PDE10A: variants seen among roughly 807,000 people sequenced by gnomAD.
The protein encoded by PDE10A is phosphodiesterase 10A, also known as cAMP and cAMP-inhibited cGMP 3',5'-cyclic phosphodiesterase 10A.
In PDE10A, 39 loss-of-function variants were observed where a neutral mutation model predicts 97.7. That is an observed-to-expected ratio of 0.40 (90% CI 0.31 to 0.52). PDE10A has a LOEUF of 0.52. Ranked by LOEUF, PDE10A falls within the 20% of genes least tolerant of loss-of-function variation. The pLI, the probability that PDE10A is intolerant of heterozygous loss-of-function variation, is 0.56. For synonymous variants in PDE10A, 371 were observed against 376.8 expected, an observed-to-expected ratio of 0.98 and a Z score of 0.18; for missense variants, 731 against 1,047.8, an observed-to-expected ratio of 0.70 and a Z score of 4.17.
intron 20 of PDE10A, 60 bp from the exon 21 acceptor site, chr6:165,336,271 T>C: frequency 9.0e-7 from 1 of 1,106,908 alleles, no homozygotes. Context: ...ATTCCAGTGA[T>C]ATTTATATTT....
chr6:165,890,321 G>T (rs904866948), intron 1 of PDE10A, among the ~76,000 whole-genome samples: 33 of 152,100 alleles, frequency 2.2e-4, no homozygotes, highest in African/African-American at 8.0e-4. Context: ...CAGGAAGGTG[G>T]CCTGACCCTG....
intron 1 of PDE10A, among the ~76,000 whole-genome samples, chr6:165,686,130 G>GACACACACACACAC (rs57547290): frequency 4.0e-4 from 58 of 145,412 alleles, no homozygotes; most frequent in African/African-American, 1.3e-3. Flanking sequence ...AATGTGCATG[G>GACACACACACACAC]ACACACACAC....
chr6:165,918,141 G>A (rs547157808), intron 1 of PDE10A, among the ~76,000 whole-genome samples: 1 of 152,282 alleles, frequency 6.6e-6, no homozygotes, highest in East Asian at 1.9e-4. Context: ...CTCATGTGTA[G>A]AATTCTCTAG....
chr6:165,915,240 T>C (rs1451189701), intron 1 of PDE10A, among the ~76,000 whole-genome samples: 1 of 152,160 alleles, frequency 6.6e-6, no homozygotes, highest in Non-Finnish European at 1.5e-5. Flanking sequence ...ATTAGACAAG[T>C]TCAAGGCTGA....
At chr6:165,905,316 GGTT>G (rs1163485574) in intron 1 of PDE10A, among the ~76,000 whole-genome samples, 1 of 152,074 alleles carries the variant, frequency 6.6e-6, no homozygotes, top group Non-Finnish European at 1.5e-5. Context: ...TCTACATAGA[GGTT>G]GTTTAAATTA....
At chr6:165,790,527 T>A (rs1778618198) in intron 1 of PDE10A, among the ~76,000 whole-genome samples, 1 of 151,990 alleles carries the variant, frequency 6.6e-6, no homozygotes, top group Non-Finnish European at 1.5e-5. Flanking sequence ...AGCAATAAAT[T>A]CTATGTGCGG....
chr6:165,925,092 T>G (rs927858250), intron 1 of PDE10A, among the ~76,000 whole-genome samples: 3 of 152,176 alleles, frequency 2.0e-5, no homozygotes, highest in Non-Finnish European at 4.4e-5. Flanking sequence ...GCCGAAGACA[T>G]AAACAGCTGC....
chr6:165,379,496 C>T (rs1784808675), intron 17 of PDE10A, 130 bp from the exon 18 acceptor site: 4 of 684,422 alleles, frequency 5.8e-6, no homozygotes, highest in Non-Finnish European at 9.0e-6. Context: ...TTTGGGGTAA[C>T]TTTTGTTTTT....
chr6:165,968,820 A>G (rs1033052480), intron 1 of PDE10A, among the ~76,000 whole-genome samples: 6 of 152,370 alleles, frequency 3.9e-5, no homozygotes, highest in Middle Eastern at 3.4e-3. Context: ...CCTGAGGCAA[A>G]GACAGAGAAG....
intron 1 of PDE10A, among the ~76,000 whole-genome samples, chr6:165,859,137 G>A (rs941242304): frequency 6.6e-6 from 1 of 152,150 alleles, no homozygotes; most frequent in Non-Finnish European, 1.5e-5. Flanking sequence ...TTAATTTTAT[G>A]TGTGTTTCTG....
At chr6:165,579,815 C>G (rs1017070105) in intron 1 of PDE10A, among the ~76,000 whole-genome samples, 1 of 152,186 alleles carries the variant, frequency 6.6e-6, no homozygotes, top group African/African-American at 2.4e-5. Context: ...CATCCACATC[C>G]TGGCCTTTTC....
chr6:165,889,235 G>A (rs1046289842), intron 1 of PDE10A, among the ~76,000 whole-genome samples: 3 of 152,200 alleles, frequency 2.0e-5, no homozygotes, highest in Admixed American at 2.0e-4. Context: ...AAATCATGGT[G>A]TGATGCTGCC....
intron 1 of PDE10A, among the ~76,000 whole-genome samples, chr6:165,681,959 C>G (rs1790989536): frequency 6.6e-6 from 1 of 152,174 alleles, no homozygotes; most frequent in Non-Finnish European, 1.5e-5. Flanking sequence ...GGTAGGATGC[C>G]TCACAGAACA....
intron 1 of PDE10A, among the ~76,000 whole-genome samples, chr6:165,635,279 G>A (rs1463422101): frequency 2.0e-5 from 3 of 152,218 alleles, no homozygotes; most frequent in Non-Finnish European, 4.4e-5. Context: ...GCCTAACATA[G>A]AGATTGGATT....
intron 20 of PDE10A, among the ~76,000 whole-genome samples, chr6:165,337,109 A>G (rs1168079876): frequency 2.0e-5 from 3 of 152,148 alleles, no homozygotes; most frequent in Admixed American, 2.0e-4. Context: ...TTTTTCCAAT[A>G]TATCACATTT....
chr6:165,920,175 G>C (rs931803798), intron 1 of PDE10A, among the ~76,000 whole-genome samples: 1 of 152,134 alleles, frequency 6.6e-6, no homozygotes, highest in African/African-American at 2.4e-5. Flanking sequence ...ATTTACGTTA[G>C]AACTGTATGG....
intron 1 of PDE10A, among the ~76,000 whole-genome samples, chr6:165,720,809 A>G (rs920745271): frequency 3.3e-5 from 5 of 152,132 alleles, no homozygotes; most frequent in African/African-American, 7.2e-5. Flanking sequence ...TCAGACAAAG[A>G]CCAGTCTCCA....
At chr6:165,626,738 G>C (rs1397503212) in intron 1 of PDE10A, among the ~76,000 whole-genome samples, 1 of 150,948 alleles carries the variant, frequency 6.6e-6, no homozygotes, top group Non-Finnish European at 1.5e-5. Flanking sequence ...ACAGTGGTGA[G>C]AAGGGGAAAG....
intron 1 of PDE10A, among the ~76,000 whole-genome samples, chr6:165,908,557 G>C (rs1045948758): frequency 5.3e-5 from 8 of 152,148 alleles, no homozygotes; most frequent in African/African-American, 1.9e-4. Flanking sequence ...TTGAATGCAC[G>C]GGCTGCATGC....
Sources: gnomAD v4.1 joint callset for allele counts (sites outside exome capture counted in the v4.1 genomes callset) on GRCh38, gnomAD v4.1.1 for gene constraint, MANE v1.5 for transcripts, NCBI Gene and HGNC (gene_info 2026-07-23, HGNC 2026-07-21) for gene names.